The following AGMO variants were observed in gnomAD, a reference collection of about 807,000 sequenced individuals.
The protein encoded by AGMO is glyceryl-ether monooxygenase.
A neutral mutation model predicts 60.2 loss-of-function variants in AGMO; 75 were observed. That is an observed-to-expected ratio of 1.25 (90% CI 1.03 to 1.51). The LOEUF (loss-of-function observed/expected upper bound fraction) is 1.51, where lower values mean the gene tolerates loss of function less well. Among genes scored for constraint, AGMO ranks in the 40% most tolerant of loss-of-function variants. The pLI, the probability that AGMO is intolerant of heterozygous loss-of-function variation, is 0.00. For synonymous variants in AGMO, 261 were observed against 177.1 expected (o/e 1.47, Z -3.76); for missense variants, 763 against 525.5 (o/e 1.45, Z -4.42).
chr7:15,370,624 C>T (rs1025740452), intron 10 of AGMO, among the ~76,000 whole-genome samples: 2 of 152,088 alleles, frequency 1.3e-5, no homozygotes, highest in Admixed American at 6.6e-5. Flanking sequence ...TTTTGATTTG[C>T]ATTTCTCTAA....
chr7:15,166,320 G>A, the AGMO span, among the ~76,000 whole-genome samples: 1 of 152,104 alleles, frequency 6.6e-6, no homozygotes, highest in African/African-American at 2.4e-5. Flanking sequence ...AGACCACACC[G>A]GTGGATGGAG....
At chr7:15,210,162 T>C (rs570277622) in intron 12 of AGMO, among the ~76,000 whole-genome samples, 1 of 152,306 alleles carries the variant, frequency 6.6e-6, no homozygotes, top group African/African-American at 2.4e-5. Context: ...ATAATTTTTC[T>C]TTTTCCTTAT....
intron 12 of AGMO, among the ~76,000 whole-genome samples, chr7:15,285,400 A>C (rs1583363543): frequency 6.6e-6 from 1 of 152,132 alleles, no homozygotes; most frequent in African/African-American, 2.4e-5. Flanking sequence ...ATCAATGTAC[A>C]CAAATCAGTA....
At chr7:15,317,946 CACACACACTA>C (rs1471918248) in intron 12 of AGMO, among the ~76,000 whole-genome samples, 2 of 147,118 alleles carry the variant, frequency 1.4e-5, no homozygotes, top group South Asian at 2.1e-4. Context: ...TATATACACA[CACACACACTA>C]TATATATATA....
At chr7:15,524,088 A>G (rs1360137639) in intron 3 of AGMO, among the ~76,000 whole-genome samples, 4 of 152,074 alleles carry the variant, frequency 2.6e-5, no homozygotes, top group African/African-American at 9.7e-5. Flanking sequence ...CATAGCAAAT[A>G]ATTAATATAT....
chr7:15,280,963 G>C (rs1459506039), intron 12 of AGMO, among the ~76,000 whole-genome samples: 1 of 152,182 alleles, frequency 6.6e-6, no homozygotes, highest in Non-Finnish European at 1.5e-5. Flanking sequence ...ATTTCTTGTA[G>C]ACATTCCCCA....
chr7:15,330,065 TTTTC>T (rs960959940), intron 12 of AGMO, among the ~76,000 whole-genome samples: 34 of 54,856 alleles, frequency 6.2e-4, no homozygotes, highest in East Asian at 2.8e-3. Context: ...TTATTTTCTT[TTTTC>T]TTTCTATCTC....
chr7:15,224,006 C>G (rs1223969951), intron 12 of AGMO, among the ~76,000 whole-genome samples: 1 of 151,980 alleles, frequency 6.6e-6, no homozygotes, highest in Non-Finnish European at 1.5e-5. Context: ...TGATGAACCT[C>G]TGGCATGTAA....
chr7:15,278,876 T>A (rs954113560), intron 12 of AGMO, among the ~76,000 whole-genome samples: 1 of 152,070 alleles, frequency 6.6e-6, no homozygotes, highest in African/African-American at 2.4e-5. Flanking sequence ...ACAGGGTGAC[T>A]CCACTGAGGA....
intron 3 of AGMO, among the ~76,000 whole-genome samples, chr7:15,506,560 C>T (rs1783517302): frequency 6.6e-6 from 1 of 151,982 alleles, no homozygotes; most frequent in Admixed American, 6.6e-5. Flanking sequence ...TTTTGAAACT[C>T]AATTCAGTAT....
chr7:15,383,467 T>C (rs993639099), intron 10 of AGMO, among the ~76,000 whole-genome samples: 1 of 150,556 alleles, frequency 6.6e-6, no homozygotes, highest in Non-Finnish European at 1.5e-5. Context: ...CTAAAAGTCC[T>C]GCTCAGGACC....
intron 2 of AGMO, among the ~76,000 whole-genome samples, chr7:15,556,223 T>TG (rs1554287007): frequency 2.1e-5 from 3 of 142,818 alleles, no homozygotes; most frequent in African/African-American, 8.3e-5. Context: ...TTTTTAGTTT[T>TG]TTTTTTTTTT....
chr7:15,298,684 G>A (rs183155668), intron 12 of AGMO, among the ~76,000 whole-genome samples: 2 of 152,134 alleles, frequency 1.3e-5, no homozygotes, highest in Non-Finnish European at 1.5e-5. Flanking sequence ...TTACAGGGAT[G>A]AGCCACCACA....
chr7:15,264,137 G>T (rs1190625959), intron 12 of AGMO, among the ~76,000 whole-genome samples: 1 of 151,760 alleles, frequency 6.6e-6, no homozygotes, highest in East Asian at 1.9e-4. Flanking sequence ...ATATTTTAGT[G>T]TCATATTTAT....
chr7:15,402,912 A>C (rs1204433917), intron 5 of AGMO, among the ~76,000 whole-genome samples: 1 of 151,768 alleles, frequency 6.6e-6, no homozygotes, highest in Non-Finnish European at 1.5e-5. Flanking sequence ...GGACTTCACT[A>C]GGTTTTAAAA....
chr7:15,371,654 T>A (rs1783221346), intron 10 of AGMO, among the ~76,000 whole-genome samples: 1 of 152,166 alleles, frequency 6.6e-6, no homozygotes, highest in Non-Finnish European at 1.5e-5. Flanking sequence ...TGCCCCTGCC[T>A]CCTAAAGTGC....
At chr7:15,152,655 T>G in the AGMO span, among the ~76,000 whole-genome samples, 12 of 152,164 alleles carry the variant, frequency 7.9e-5, no homozygotes, top group African/African-American at 2.7e-4. Context: ...TCATCCAGGT[T>G]GCTGTGAATG....
intron 12 of AGMO, among the ~76,000 whole-genome samples, chr7:15,275,283 T>A (rs934124426): frequency 6.6e-6 from 1 of 152,162 alleles, no homozygotes; most frequent in Non-Finnish European, 1.5e-5. Context: ...GAATTCTGCT[T>A]TAGTTTCTTT....
At chr7:15,216,356 C>A (rs1287740073) in intron 12 of AGMO, among the ~76,000 whole-genome samples, 1 of 152,090 alleles carries the variant, frequency 6.6e-6, no homozygotes, top group Non-Finnish European at 1.5e-5. Flanking sequence ...GAAAACTACA[C>A]TTTCTGCACT....
Sources: gnomAD v4.1 joint callset for allele counts (sites outside exome capture counted in the v4.1 genomes callset) on GRCh38, gnomAD v4.1.1 for gene constraint, MANE v1.5 for transcripts, NCBI Gene and HGNC (gene_info 2026-07-23, HGNC 2026-07-21) for gene names.